Variants in SCHIP1 observed in about 807,000 individuals in gnomAD.
The protein encoded by SCHIP1 is schwannomin interacting protein 1, also known as schwannomin-interacting protein 1.
Under a neutral mutation model 29.7 loss-of-function variants are expected in SCHIP1, and 8 were observed. The ratio of observed to expected loss-of-function variants is 0.27; its 90% CI spans 0.16 to 0.49. SCHIP1 has a LOEUF of 0.49. Among genes scored for constraint, SCHIP1 ranks in the 20% least tolerant of loss-of-function variants. SCHIP1 has a pLI of 0.99. For missense variants in SCHIP1, 193 were observed against 294.6 expected (o/e 0.66, Z 2.52); for synonymous variants, 76 against 94.9 (o/e 0.80, Z 1.16).
chr3:159,651,516 C>G, the SCHIP1 span, among the ~76,000 whole-genome samples: 98 of 152,284 alleles, frequency 6.4e-4, no homozygotes, highest in South Asian at 0.01. Context: ...GTTTTACTAC[C>G]ATTATTACTA....
At chr3:159,450,969 C>A in the SCHIP1 span, among the ~76,000 whole-genome samples, 2 of 151,954 alleles carry the variant, frequency 1.3e-5, no homozygotes, top group East Asian at 1.9e-4. Context: ...CCACCACGCC[C>A]AGCTAATTTT....
At chr3:159,428,940 G>T in the SCHIP1 span, among the ~76,000 whole-genome samples, 1 of 151,332 alleles carries the variant, frequency 6.6e-6, no homozygotes, top group African/African-American at 2.4e-5. Context: ...GTAAACTATC[G>T]CAAGAACAAA....
At chr3:159,684,803 CAAAA>C in the SCHIP1 span, among the ~76,000 whole-genome samples, 1 of 64,880 alleles carries the variant, frequency 1.5e-5, no homozygotes, top group Non-Finnish European at 3.5e-5. Flanking sequence ...GACTCTGTTG[CAAAA>C]AAAAAAAAAA....
At chr3:159,732,970 A>G in the SCHIP1 span, among the ~76,000 whole-genome samples, 3 of 152,314 alleles carry the variant, frequency 2.0e-5, no homozygotes, top group South Asian at 6.2e-4. Context: ...GCCACAGAGC[A>G]GGAGGTGGGG....
the SCHIP1 span, among the ~76,000 whole-genome samples, chr3:159,327,067 G>A: frequency 2.0e-5 from 3 of 152,228 alleles, no homozygotes; most frequent in Middle Eastern, 3.4e-3. Context: ...GTTTTTATAC[G>A]GAGGAAAATA....
At chr3:159,619,622 G>T in the SCHIP1 span, among the ~76,000 whole-genome samples, 2 of 152,138 alleles carry the variant, frequency 1.3e-5, no homozygotes, top group African/African-American at 4.8e-5. Flanking sequence ...GCTGCAGATT[G>T]TTTCTATTTA....
At chr3:159,519,684 G>T in the SCHIP1 span, among the ~76,000 whole-genome samples, 614 of 151,956 alleles carry the variant, frequency 4.0e-3, 7 homozygotes, top group African/African-American at 0.014. Context: ...GTAAAATTAT[G>T]AAAGCATTGA....
chr3:159,560,836 A>G, the SCHIP1 span, among the ~76,000 whole-genome samples: 6 of 152,154 alleles, frequency 3.9e-5, no homozygotes, highest in South Asian at 2.1e-4. Flanking sequence ...GGGTGCTCCG[A>G]GCAGATGGAA....
the SCHIP1 span, among the ~76,000 whole-genome samples, chr3:159,527,414 C>G: frequency 2.0e-5 from 3 of 152,164 alleles, no homozygotes; most frequent in Admixed American, 2.0e-4. Flanking sequence ...AGAGGGACCA[C>G]TGAAAGGATT....
At chr3:159,465,475 G>GA in the SCHIP1 span, among the ~76,000 whole-genome samples, 2 of 151,988 alleles carry the variant, frequency 1.3e-5, no homozygotes, top group Non-Finnish European at 2.9e-5. Flanking sequence ...TTAGTCACTG[G>GA]ATAATATGTG....
At chr3:159,543,168 GA>G in the SCHIP1 span, among the ~76,000 whole-genome samples, 1 of 150,662 alleles carries the variant, frequency 6.6e-6, no homozygotes, top group East Asian at 2.0e-4. Context: ...TAATGTCATT[GA>G]ATAGAATGGC....
the SCHIP1 span, among the ~76,000 whole-genome samples, chr3:159,361,909 G>A: frequency 6.6e-6 from 1 of 152,202 alleles, no homozygotes; most frequent in Non-Finnish European, 1.5e-5. Context: ...AGATTTGAGG[G>A]AAGAAGATCA....
the SCHIP1 span, among the ~76,000 whole-genome samples, chr3:159,317,656 A>G: frequency 6.6e-6 from 1 of 152,246 alleles, no homozygotes; most frequent in African/African-American, 2.4e-5. Context: ...TAGCTACTTC[A>G]GGATGATGGG....
At chr3:159,845,991 A>G (rs556698916) in intron 1 of SCHIP1, 3 of 152,316 alleles carry the variant, frequency 2.0e-5, no homozygotes, top group Admixed American at 2.0e-4. Context: ...GCAAGGCACA[A>G]AATAAATGAA....
At chr3:159,317,756 C>T in the SCHIP1 span, among the ~76,000 whole-genome samples, 1 of 152,140 alleles carries the variant, frequency 6.6e-6, no homozygotes, top group Non-Finnish European at 1.5e-5. Context: ...AGAGACAATG[C>T]TGTGTGGAAT....
chr3:159,651,528 C>T, the SCHIP1 span, among the ~76,000 whole-genome samples: 1 of 152,150 alleles, frequency 6.6e-6, no homozygotes, highest in African/African-American at 2.4e-5. Flanking sequence ...TTATTACTAA[C>T]AATATAGTTG....
chr3:159,842,887 C>CCATT (rs1744365394), intron 1 of SCHIP1, among the ~76,000 whole-genome samples: 1 of 151,858 alleles, frequency 6.6e-6, no homozygotes, highest in South Asian at 2.1e-4. Flanking sequence ...CTACCCCCAT[C>CCATT]CATTACTCTC....
chr3:159,713,222 GAGAAAGAAAGGAAGAAAGAA>G, the SCHIP1 span, among the ~76,000 whole-genome samples: 4 of 100,902 alleles, frequency 4.0e-5, no homozygotes, highest in African/African-American at 1.6e-4. Flanking sequence ...GAGAGAGAGA[GAGAAAGAAAGGAAGAAAGAA>G]AGAAAGAAAG....
the SCHIP1 span, among the ~76,000 whole-genome samples, chr3:159,562,609 G>T: frequency 1.3e-5 from 2 of 152,192 alleles, no homozygotes; most frequent in African/African-American, 2.4e-5. Flanking sequence ...GCTACATTTA[G>T]CTGTATCCCA....
Sources: allele counts gnomAD v4.1 joint callset (sites outside exome capture counted in the v4.1 genomes callset), GRCh38; gene constraint gnomAD v4.1.1; transcripts MANE v1.5; gene names NCBI Gene and HGNC (gene_info 2026-07-23, HGNC 2026-07-21).